The following FSD1L variants were observed in gnomAD, a reference collection of about 807,000 sequenced individuals.
The protein encoded by FSD1L is fibronectin type III and SPRY domain containing 1 like.
A neutral mutation model predicts 71.6 loss-of-function variants in FSD1L; 45 were observed. The ratio of observed to expected loss-of-function variants is 0.63; its 90% CI spans 0.49 to 0.81. FSD1L has a LOEUF of 0.81. Ranked by LOEUF, FSD1L falls within the 30% of genes least tolerant of loss-of-function variation. FSD1L has a pLI of 0.00. For missense variants in FSD1L, 561 were observed against 618.1 expected (o/e 0.91, Z 0.98); for synonymous variants, 197 against 207.2 (o/e 0.95, Z 0.42).
intron 5 of FSD1L, among the ~76,000 whole-genome samples, chr9:105,477,591 A>G (rs1410777957): frequency 6.6e-5 from 10 of 152,234 alleles, no homozygotes; most frequent in Admixed American, 6.5e-4. Flanking sequence ...AAGGGAATGG[A>G]GAGGCAAAGA....
chr9:105,459,797 G>C (rs1427604256), intron 1 of FSD1L, among the ~76,000 whole-genome samples: 2 of 152,222 alleles, frequency 1.3e-5, no homozygotes, highest in Non-Finnish European at 2.9e-5. Flanking sequence ...CAGCTGGCTT[G>C]TCCATTCTGA....
intron 4 of FSD1L, among the ~76,000 whole-genome samples, chr9:105,470,353 G>A (rs1263194553): frequency 4.6e-5 from 7 of 152,072 alleles, no homozygotes; most frequent in African/African-American, 1.7e-4. Context: ...AGTATGGATA[G>A]TTTAACAATA....
At chr9:105,492,144 G>A (rs951069449) in intron 7 of FSD1L, among the ~76,000 whole-genome samples, 24 of 152,152 alleles carry the variant, frequency 1.6e-4, no homozygotes, top group African/African-American at 5.3e-4. Context: ...CTTTTTGGTT[G>A]GTAAGCTATT....
At chr9:105,486,189 T>A (rs975261524) in intron 7 of FSD1L, among the ~76,000 whole-genome samples, 1 of 152,178 alleles carries the variant, frequency 6.6e-6, no homozygotes, top group African/African-American at 2.4e-5. Context: ...AGGAAGAAAG[T>A]GTACTTGTCA....
chr9:105,445,736 G>A (rs2131540540), upstream of FSD1L, among the ~76,000 whole-genome samples: 1 of 152,336 alleles, frequency 6.6e-6, no homozygotes, highest in East Asian at 1.9e-4. Flanking sequence ...GCAGTACACA[G>A]TGTGAAGGAA....
intron 10 of FSD1L, chr9:105,522,289 G>A: frequency 6.2e-7 from 1 of 1,613,908 alleles, no homozygotes; most frequent in Non-Finnish European, 8.5e-7. Flanking sequence ...AATTTATATA[G>A]TTTGGATCTC....
At chr9:105,481,878 C>T (rs566642042) in intron 6 of FSD1L, among the ~76,000 whole-genome samples, 3 of 151,952 alleles carry the variant, frequency 2.0e-5, no homozygotes, top group African/African-American at 7.2e-5. Flanking sequence ...GCTTAAGGGG[C>T]CCTTCCACCT....
chr9:105,468,181 T>A lies in FSD1L; in HGVS notation c.208-12T>A. 2 of 1,373,030 alleles carry A rather than the reference T, an allele frequency of 1.5e-6. No homozygotes were observed. The highest frequency in any genetic ancestry group is 1.9e-6 in the Non-Finnish European group (2 of 1,060,888). 85.1% of individuals were successfully genotyped at this position (1,373,030 alleles called of 1,614,324 possible). A position where few individuals can be genotyped will look rare whatever the true frequency, so the allele number is the denominator to read the frequency against. ...GCTTCAGTAAAATTGTTTTGTTTTG[T>A]TTTTTAAACAGGAAAATTCGTCCAA... is the stretch of plus-strand genomic sequence containing the variant. On this transcript the variant is annotated splice_polypyrimidine_tract_variant and intron_variant, in intron 3 of 13. Coordinates refer to ENST00000481272, the MANE Select transcript of FSD1L (RefSeq NM_001145313.3).
At chr9:105,461,951 A>G (rs1830726234) in intron 2 of FSD1L, among the ~76,000 whole-genome samples, 1 of 145,984 alleles carries the variant, frequency 6.9e-6, no homozygotes, top group Non-Finnish European at 1.5e-5. Flanking sequence ...TGTGTGACAG[A>G]GCCTCAAAAA....
At chr9:105,444,329 C>T (rs767073283), upstream of FSD1L, among the ~76,000 whole-genome samples, 13 of 152,260 alleles carry the variant, frequency 8.5e-5, no homozygotes, top group South Asian at 4.2e-4. Context: ...ATGTTACAGA[C>T]GAGGAAATTG....
chr9:105,456,133 G>C (rs1343984644), intron 1 of FSD1L, among the ~76,000 whole-genome samples: 1 of 152,162 alleles, frequency 6.6e-6, no homozygotes, highest in African/African-American at 2.4e-5. Context: ...TAAAATCTTA[G>C]TCCTTTGGAT....
intron 7 of FSD1L, among the ~76,000 whole-genome samples, chr9:105,492,083 C>G (rs1041841843): frequency 4.0e-5 from 6 of 151,884 alleles, no homozygotes; most frequent in Non-Finnish European, 8.8e-5. Context: ...GTACCAGTTC[C>G]TCCTTGTACC....
chr9:105,531,753 A>T (rs1835909077), intron 10 of FSD1L, among the ~76,000 whole-genome samples: 1 of 152,090 alleles, frequency 6.6e-6, no homozygotes, highest in Non-Finnish European at 1.5e-5. Flanking sequence ...ATGTACTTTC[A>T]TTTCAGATAA....
chr9:105,546,337 G>C, intron 13 of FSD1L, 21 bp from the exon 14 acceptor site: 1 of 1,503,860 alleles, frequency 6.6e-7, no homozygotes, highest in South Asian at 1.3e-5. Context: ...CAATCTGACA[G>C]GTTTTTTTGT....
chr9:105,524,005 T>C, intron 10 of FSD1L: 1 of 1,597,352 alleles, frequency 6.3e-7, no homozygotes. Context: ...TATTGTGAAC[T>C]GCCTTCTCTT....
At chr9:105,456,486 A>G (rs1830364879) in intron 1 of FSD1L, among the ~76,000 whole-genome samples, 1 of 152,224 alleles carries the variant, frequency 6.6e-6, no homozygotes, top group African/African-American at 2.4e-5. Context: ...TTGATTGATA[A>G]TGATTATAAA....
At chr9:105,465,957 T>G (rs923849364) in intron 3 of FSD1L, among the ~76,000 whole-genome samples, 5 of 152,092 alleles carry the variant, frequency 3.3e-5, no homozygotes, top group Admixed American at 3.3e-4. Context: ...CTGAAACTCC[T>G]GCTTTCCAGG....
At chr9:105,517,907 A>G (rs1834836763) in intron 10 of FSD1L, among the ~76,000 whole-genome samples, 1 of 152,246 alleles carries the variant, frequency 6.6e-6, no homozygotes, top group African/African-American at 2.4e-5. Flanking sequence ...TGCTATATTC[A>G]GGAGACCCAT....
At chr9:105,480,808 C>T (rs1188488784) in intron 6 of FSD1L, among the ~76,000 whole-genome samples, 2 of 152,090 alleles carry the variant, frequency 1.3e-5, no homozygotes, top group Admixed American at 6.5e-5. Flanking sequence ...ATCTTCCTCC[C>T]TGGGTATATT....
Sources: gnomAD v4.1 joint callset for allele counts (sites outside exome capture counted in the v4.1 genomes callset) on GRCh38, gnomAD v4.1.1 for gene constraint, MANE v1.5 for transcripts, NCBI Gene and HGNC (gene_info 2026-07-23, HGNC 2026-07-21) for gene names.